DMD: variants seen among roughly 807,000 people sequenced by gnomAD.
DMD encodes the protein dystrophin.
A neutral mutation model predicts 330.1 loss-of-function variants in DMD; 63 were observed. The ratio of observed to expected loss-of-function variants is 0.19; its 90% CI spans 0.16 to 0.24. The LOEUF (loss-of-function observed/expected upper bound fraction) is 0.24, where lower values mean the gene tolerates loss of function less well. DMD is among the 10% of genes least tolerant of loss of function. The pLI, the probability that DMD is intolerant of heterozygous loss-of-function variation, is 1.00. For missense variants in DMD, 3,344 were observed against 2,684.1 expected (o/e 1.25, Z -5.43); for synonymous variants, 1,223 against 959.8 (o/e 1.27, Z -5.07).
intron 52 of DMD, among the ~76,000 whole-genome samples, chrX:31,709,169 G>A (rs1036695667): frequency 1.8e-5 from 2 of 111,546 alleles, no homozygotes; most frequent in Non-Finnish European, 3.8e-5. Context: ...CTACTCAGGA[G>A]GCTGAGGCAG....
chrX:32,747,934 T>A (rs1211858787), intron 7 of DMD, among the ~76,000 whole-genome samples: 1 of 112,054 alleles, frequency 8.9e-6, no homozygotes, highest in African/African-American at 3.2e-5. Context: ...GAATAACTTT[T>A]AATAATAGTA....
intron 7 of DMD, among the ~76,000 whole-genome samples, chrX:32,704,423 G>A (rs2064419312): frequency 9.0e-6 from 1 of 111,271 alleles, no homozygotes; most frequent in Non-Finnish European, 1.9e-5. Flanking sequence ...CCAGTCGCTG[G>A]GTGTAACCTT....
At chrX:33,174,971 A>G (rs1488896128) in intron 1 of DMD, among the ~76,000 whole-genome samples, 1 of 112,049 alleles carries the variant, frequency 8.9e-6, no homozygotes. Flanking sequence ...TCAAAATGCC[A>G]TTGACAATTT....
chrX:33,114,670 G>A (rs1426206703), intron 1 of DMD, among the ~76,000 whole-genome samples: 1 of 111,647 alleles, frequency 9.0e-6, no homozygotes, highest in Non-Finnish European at 1.9e-5. Flanking sequence ...ATTCTAAAAA[G>A]TTGAAAATAA....
In DMD at chrX:32,336,032, TATATATAA is replaced by T. The variant is rs2097712291; in HGVS notation, c.5922+6060_5922+6067del. Among the ~76,000 whole-genome samples, 3 of 103,397 alleles carry T rather than the reference TATATATAA, an allele frequency of 2.9e-5. No individual in the cohort carries two copies. The South Asian group carries it at 1.3e-3, about 46-fold the overall frequency. The allele number at this position is 103,397 out of a possible 115,157, so 89.8% of individuals were successfully genotyped here. On this transcript the variant is annotated intron_variant, in intron 41 of 78. Coordinates refer to ENST00000357033, the MANE Select transcript of DMD (RefSeq NM_004006.3). Reference sequence around the variant, plus strand: ...TATATATAACGTGTATATATAACGTTATATATAACGTGTATATATAACGTTATATATAA... The same window carrying T: ...TATATATAACGTGTATATATAACGTTCGTGTATATATAACGTTATATATAA...
chrX:31,822,676 G>GTC (rs2092797004), intron 49 of DMD, among the ~76,000 whole-genome samples: 1 of 103,509 alleles, frequency 9.7e-6, no homozygotes. Context: ...GTGTGTGTGT[G>GTC]TGTGTGTGTG....
chrX:31,194,546 T>C (rs773824320), intron 67 of DMD, among the ~76,000 whole-genome samples: 1 of 112,492 alleles, frequency 8.9e-6, no homozygotes, highest in Admixed American at 9.3e-5. Context: ...GACACATACA[T>C]AAACAGAGCT....
At chrX:32,961,015 A>C (rs1444737725) in intron 2 of DMD, among the ~76,000 whole-genome samples, 2 of 110,902 alleles carry the variant, frequency 1.8e-5, no homozygotes, top group Non-Finnish European at 3.8e-5. Flanking sequence ...TTCCCTTGTA[A>C]AATTGTATAT....
intron 9 of DMD, among the ~76,000 whole-genome samples, chrX:32,661,395 A>C (rs773985219): frequency 9.2e-6 from 1 of 108,466 alleles, no homozygotes; most frequent in African/African-American, 3.6e-5. Flanking sequence ...TACTATGAGG[A>C]GACCTGATTC....
Position 32,553,503 on chromosome X carries a change from C to A in DMD, c.1993-8169G>T, listed in dbSNP as rs775243655. 1.9e-4 allele frequency among the ~76,000 whole-genome samples: 21 copies of A among 110,747 alleles called. 1 individual carries two copies. In the East Asian group the frequency reaches 4.6e-3, roughly 24 times the overall value. On this transcript the variant is annotated intron_variant, in intron 16 of 78. Coordinates refer to ENST00000357033, the MANE Select transcript of DMD (RefSeq NM_004006.3). Reference sequence around the variant, plus strand: ...GTGATGAAATAATCTGTACAACAAACCCCTGTGACATGCAATTTATCTATA... The same window carrying A: ...GTGATGAAATAATCTGTACAACAAAACCCTGTGACATGCAATTTATCTATA...
At chrX:31,404,871 T>C (rs757187328) in intron 60 of DMD, among the ~76,000 whole-genome samples, 1 of 112,312 alleles carries the variant, frequency 8.9e-6, no homozygotes, top group East Asian at 2.8e-4. Flanking sequence ...ATTTATGCAA[T>C]TGATGCATGG....
At chrX:32,338,366 G>T (rs1243757296) in intron 41 of DMD, among the ~76,000 whole-genome samples, 2 of 109,807 alleles carry the variant, frequency 1.8e-5, no homozygotes, top group African/African-American at 6.6e-5. Context: ...ATGAAATATT[G>T]TCTCTTCCCC....
chrX:32,396,737 C>T (rs1603632484), intron 30 of DMD, among the ~76,000 whole-genome samples: 1 of 111,145 alleles, frequency 9.0e-6, no homozygotes, highest in South Asian at 3.7e-4. Flanking sequence ...CTTTATATTT[C>T]CAATTGATTC....
At chrX:32,910,315 T>A (rs886727165) in intron 2 of DMD, among the ~76,000 whole-genome samples, 4 of 112,112 alleles carry the variant, frequency 3.6e-5, no homozygotes, top group African/African-American at 1.3e-4. Context: ...ATGTATGGTA[T>A]GTCTAACATA....
intron 1 of DMD, among the ~76,000 whole-genome samples, chrX:33,140,964 C>A (rs190086798): frequency 2.9e-3 from 320 of 111,968 alleles, no homozygotes; most frequent in African/African-American, 9.9e-3. Flanking sequence ...ATACAATATA[C>A]AAAATCATCA....
chrX:32,252,735 T>A (rs12862343), intron 43 of DMD, among the ~76,000 whole-genome samples: 2 of 27,091 alleles, frequency 7.4e-5, no homozygotes, highest in African/African-American at 4.0e-4. Flanking sequence ...AATATATAAA[T>A]ATATATATAA....
intron 43 of DMD, among the ~76,000 whole-genome samples, chrX:32,247,878 T>C (rs2097247442): frequency 8.9e-6 from 1 of 111,953 alleles, no homozygotes; most frequent in Non-Finnish European, 1.9e-5. Context: ...CTAATCTTTG[T>C]TGAATGAATA....
At chrX:32,804,930 G>C (rs2076845350) in intron 7 of DMD, among the ~76,000 whole-genome samples, 1 of 112,073 alleles carries the variant, frequency 8.9e-6, no homozygotes, top group Admixed American at 9.4e-5. Flanking sequence ...TCAACAAAAA[G>C]GACATCCACT....
At chrX:33,011,800 ATGT>A (rs759213572) in intron 2 of DMD, among the ~76,000 whole-genome samples, 1 of 112,161 alleles carries the variant, frequency 8.9e-6, no homozygotes, top group East Asian at 2.8e-4. Context: ...ATGTCCATGT[ATGT>A]TGTTTTGCTA....
Sources: gnomAD v4.1 joint callset for allele counts (sites outside exome capture counted in the v4.1 genomes callset) on GRCh38, gnomAD v4.1.1 for gene constraint, MANE v1.5 for transcripts, NCBI Gene and HGNC (gene_info 2026-07-23, HGNC 2026-07-21) for gene names.